Variants in ZSWIM6 observed in about 807,000 individuals in gnomAD.
The protein encoded by ZSWIM6 is zinc finger SWIM-type containing 6.
A neutral mutation model predicts 113.2 loss-of-function variants in ZSWIM6; 9 were observed. The observed-to-expected ratio is 0.08, with a 90% confidence interval of 0.05 to 0.14. The LOEUF (loss-of-function observed/expected upper bound fraction) is 0.14. Among genes scored for constraint, ZSWIM6 ranks in the 10% least tolerant of loss-of-function variants. The pLI, the probability that ZSWIM6 is intolerant of heterozygous loss-of-function variation, is 1.00. For missense variants in ZSWIM6, 1,162 were observed against 1,552.2 expected (o/e 0.75, Z 4.22); for synonymous variants, 611 against 606.5 (o/e 1.01, Z -0.11).
At chr5:61,462,018 T>A (rs575486646) in intron 1 of ZSWIM6, among the ~76,000 whole-genome samples, 1 of 152,220 alleles carries the variant, frequency 6.6e-6, no homozygotes, top group African/African-American at 2.4e-5. Flanking sequence ...GAGGATTTTC[T>A]TCCCAGCTGG....
rs188161492 is a variant in ZSWIM6 at position 61,479,002 on chromosome 5, C to G, written c.1033+5965C>G. On this transcript the variant is annotated intron_variant, in intron 2 of 13. Coordinates refer to ENST00000252744, the MANE Select transcript of ZSWIM6 (RefSeq NM_020928.2). ...CCTGGCCAACATGGTGAAACCCTGT[C>G]TCTAGTAAAAATACAAAAATTAGTC... is the stretch of plus-strand genomic sequence containing the variant. 5.9e-3 allele frequency among the ~76,000 whole-genome samples: 895 copies of G among 152,106 alleles called. 2 individuals are homozygous for G. Among genetic ancestry groups the G allele is most frequent in the Non-Finnish European group, 0.01 (683 of 67,988 alleles).
At chr5:61,468,328 G>A (rs1385963632) in intron 1 of ZSWIM6, among the ~76,000 whole-genome samples, 1 of 152,208 alleles carries the variant, frequency 6.6e-6, no homozygotes, top group Non-Finnish European at 1.5e-5. Context: ...TTCTGTGACA[G>A]CATGATGATA....
chr5:61,355,248 A>G (rs1441347758), intron 1 of ZSWIM6, among the ~76,000 whole-genome samples: 7 of 152,134 alleles, frequency 4.6e-5, no homozygotes, highest in African/African-American at 1.7e-4. Flanking sequence ...GGAGATGAGA[A>G]TTCCTTATTC....
chr5:61,351,568 A>G (rs1744783854), intron 1 of ZSWIM6, among the ~76,000 whole-genome samples: 1 of 152,256 alleles, frequency 6.6e-6, no homozygotes, highest in African/African-American at 2.4e-5. Flanking sequence ...AATTTCAAAT[A>G]AAATTTTAAG....
At chr5:61,387,470 C>G (rs1012687027) in intron 1 of ZSWIM6, among the ~76,000 whole-genome samples, 1 of 152,154 alleles carries the variant, frequency 6.6e-6, no homozygotes, top group African/African-American at 2.4e-5. Context: ...TTGAGACCAG[C>G]CTGGGCAATG....
At chr5:61,359,017 A>T (rs956886961) in intron 1 of ZSWIM6, among the ~76,000 whole-genome samples, 4 of 152,188 alleles carry the variant, frequency 2.6e-5, no homozygotes, top group South Asian at 2.1e-4. Context: ...TTTCAGGTGT[A>T]ATGAACCTTA....
chr5:61,440,226 G>A (rs1746796942), intron 1 of ZSWIM6, among the ~76,000 whole-genome samples: 2 of 152,018 alleles, frequency 1.3e-5, no homozygotes, highest in Non-Finnish European at 2.9e-5. Flanking sequence ...CTTTCCTAAT[G>A]GAGGAAGAAA....
chr5:61,502,798 TGCA>T (rs1748508964), intron 4 of ZSWIM6, among the ~76,000 whole-genome samples: 1 of 152,166 alleles, frequency 6.6e-6, no homozygotes, highest in Non-Finnish European at 1.5e-5. Context: ...TGTTGTGAGC[TGCA>T]CACATGAGGG....
chr5:61,362,317 G>A (rs745939975), intron 1 of ZSWIM6, among the ~76,000 whole-genome samples: 1 of 151,938 alleles, frequency 6.6e-6, no homozygotes, highest in Non-Finnish European at 1.5e-5. Flanking sequence ...TCGTGCCTCA[G>A]CCACCTTAAT....
intron 1 of ZSWIM6, among the ~76,000 whole-genome samples, chr5:61,431,002 A>G (rs1032493345): frequency 1.3e-5 from 2 of 152,232 alleles, no homozygotes; most frequent in Non-Finnish European, 2.9e-5. Flanking sequence ...CTATACAGTC[A>G]TTACTGGTGT....
intron 1 of ZSWIM6, among the ~76,000 whole-genome samples, chr5:61,446,487 C>A (rs1489510071): frequency 6.6e-6 from 1 of 152,172 alleles, no homozygotes. Context: ...AAACCAACAA[C>A]ATTAAATTAA....
intron 5 of ZSWIM6, among the ~76,000 whole-genome samples, chr5:61,523,523 G>A (rs936544600): frequency 3.3e-5 from 5 of 151,918 alleles, no homozygotes; most frequent in Admixed American, 3.3e-4. Flanking sequence ...TCCTTAATCA[G>A]CATGTATTAC....
intron 1 of ZSWIM6, among the ~76,000 whole-genome samples, chr5:61,357,615 C>T (rs999690682): frequency 4.0e-5 from 6 of 151,614 alleles, no homozygotes; most frequent in Non-Finnish European, 2.9e-5. Context: ...GATCAGCTCA[C>T]TTGAGATATA....
intron 4 of ZSWIM6, among the ~76,000 whole-genome samples, chr5:61,497,359 T>A (rs965995014): frequency 1.3e-5 from 2 of 152,312 alleles, no homozygotes. Flanking sequence ...AAAAGTAACA[T>A]TTATTTTAAC....
At chr5:61,364,735 A>G (rs1383185499) in intron 1 of ZSWIM6, among the ~76,000 whole-genome samples, 1 of 152,140 alleles carries the variant, frequency 6.6e-6, no homozygotes, top group Non-Finnish European at 1.5e-5. Flanking sequence ...CTGACCTCAC[A>G]TGATGGGAAG....
intron 1 of ZSWIM6, among the ~76,000 whole-genome samples, chr5:61,397,430 G>GA (rs1221782838): frequency 2.0e-5 from 3 of 152,162 alleles, no homozygotes; most frequent in African/African-American, 7.2e-5. Flanking sequence ...CATTTCAGGA[G>GA]AAAAATGGCA....
chr5:61,376,886 A>G (rs948934789), intron 1 of ZSWIM6, among the ~76,000 whole-genome samples: 8 of 151,398 alleles, frequency 5.3e-5, no homozygotes, highest in Admixed American at 2.0e-4. Flanking sequence ...CCTACTTGCC[A>G]AGATATTTAG....
chr5:61,363,260 A>G (rs1745070705), intron 1 of ZSWIM6, among the ~76,000 whole-genome samples: 1 of 152,238 alleles, frequency 6.6e-6, no homozygotes, highest in South Asian at 2.1e-4. Context: ...CTATCCATAC[A>G]AGAATGATTA....
At chr5:61,523,878 C>T (rs1036396581) in intron 5 of ZSWIM6, among the ~76,000 whole-genome samples, 2 of 152,156 alleles carry the variant, frequency 1.3e-5, no homozygotes, top group African/African-American at 4.8e-5. Context: ...CATTTCTCTA[C>T]ACTTATATAG....
Sources: allele counts gnomAD v4.1 joint callset (sites outside exome capture counted in the v4.1 genomes callset), GRCh38; gene constraint gnomAD v4.1.1; transcripts MANE v1.5; gene names NCBI Gene and HGNC (gene_info 2026-07-23, HGNC 2026-07-21).